Variants in U2AF1 observed in about 807,000 individuals in gnomAD.
U2AF1 encodes splicing factor U2AF 35 kDa subunit.
For missense variants in U2AF1, 4 were observed against 75.9 expected (o/e 0.05, Z 3.52); for synonymous variants, 8 against 27.2 (o/e 0.29, Z 2.20).
intron 5 of U2AF1, 140 bp downstream of exon 5, chr21:43,095,298 G>A (rs749366931): frequency 4.3e-6 from 2 of 461,474 alleles, no homozygotes; most frequent in East Asian, 5.6e-5. Flanking sequence ...GGATCTCAAG[G>A]TGCATGGCGA....
Position 43,095,316 on chromosome 21 carries a change from C to G in U2AF1, c.348+122G>C, listed in dbSNP as rs185040252. ...TCTCAAGGTGCATGGCGACAGGCAC[C>G]CCATCCTCTGTCGGCCTTGGCCCCG... On this transcript the variant is annotated intron_variant, in intron 5 of 7. Transcript: ENST00000291552. 4.4e-3 allele frequency: 2,083 copies of G among 468,936 alleles called. 646 individuals carry two copies. The highest frequency in any genetic ancestry group is 7.1e-3 in the Middle Eastern group (12 of 1,690). The allele number at this position is 468,936 out of a possible 1,614,324, so 29.0% of individuals were successfully genotyped here.
In U2AF1 at chr21:43,095,352, C is replaced by T. The variant is rs773823647; in HGVS notation, c.348+86G>A. The T allele has an allele frequency of 7.3e-5, 41 of 560,892 alleles. 8 individuals carry two copies. Among genetic ancestry groups the T allele is most frequent in the African/African-American group, 3.1e-4 (11 of 35,710 alleles). 34.7% of individuals were successfully genotyped at this position (560,892 alleles called of 1,614,324 possible). ...TCGGCCTTGGCCCCGGCACACTAAG[C>T]GGCTGCACCACTGTCTCGCTTTCGC... On this transcript the variant is annotated intron_variant, in intron 5 of 7. Coordinates refer to ENST00000291552, the MANE Select transcript of U2AF1 (RefSeq NM_006758.3).
chr21:43,097,055 G>A (rs1984352210), intron 3 of U2AF1, among the ~76,000 whole-genome samples: 1 of 60,084 alleles, frequency 1.7e-5, no homozygotes, highest in South Asian at 4.9e-4. Context: ...GTAAAATCAT[G>A]TCTGTTGCGT....
chr21:43,094,857 G>C lies in U2AF1; in HGVS notation c.349-69C>G. The C allele has an allele frequency of 2.9e-5, 30 of 1,045,726 alleles. 8 individuals carry two copies. The highest frequency in any genetic ancestry group is 3.5e-5 in the Non-Finnish European group (26 of 746,874). The allele number at this position is 1,045,726 out of a possible 1,614,324, so 64.8% of individuals were successfully genotyped here. A position where few individuals can be genotyped will look rare whatever the true frequency, so the allele number is the denominator to read the frequency against. On this transcript the variant is annotated intron_variant, in intron 5 of 7. Transcript: ENST00000291552. ...AAGACTTTCTCAATTACCAATCCAA[G>C]TATATCAGAGAGAGATATACACACT...
At chr21:43,105,705 TATA>T (rs1205826115) in intron 1 of U2AF1, 1 of 7,500 alleles carries the variant, frequency 1.3e-4, no homozygotes, top group Non-Finnish European at 2.7e-4. Flanking sequence ...ACTTCAAACA[TATA>T]ATAAGCTAAA....
At chr21:43,097,613 CTTTTTA>C (rs1469652079) in intron 3 of U2AF1, 1 of 81,492 alleles carries the variant, frequency 1.2e-5, no homozygotes, top group Non-Finnish European at 2.4e-5. Context: ...GCTCAAAACT[CTTTTTA>C]TCTTTTTTTT....
At position 43,095,370 on chromosome 21, in the gene U2AF1, G is replaced by A. The variant is rs1238499474; in HGVS notation, c.348+68C>T. 6 of 712,728 alleles carry A rather than the reference G, an allele frequency of 8.4e-6. 1 individual carries two copies. Among genetic ancestry groups the A allele is most frequent in the East Asian group, 7.2e-5 (3 of 41,926 alleles). 44.2% of individuals were successfully genotyped at this position (712,728 alleles called of 1,614,324 possible). On this transcript the variant is annotated intron_variant, in intron 5 of 7. Coordinates refer to ENST00000291552, the MANE Select transcript of U2AF1 (RefSeq NM_006758.3). ...CACTAAGCGGCTGCACCACTGTCTC[G>A]CTTTCGCCTGTTGGCCTTGGCCCTG...
chr21:43,100,054 G>A (rs1984514318), intron 3 of U2AF1: 1 of 12,714 alleles, frequency 7.9e-5, no homozygotes, highest in Non-Finnish European at 1.3e-4. Context: ...CTCCCTAGAA[G>A]CTGGGATTGC....
At chr21:43,097,553 T>C (rs1338613267) in intron 3 of U2AF1, 2 of 71,530 alleles carry the variant, frequency 2.8e-5, no homozygotes, top group Non-Finnish European at 5.6e-5. Flanking sequence ...TGCCTTAGCC[T>C]GTGCACCCAA....
In U2AF1 at chr21:43,094,667, T is replaced by C. The variant is rs371246226; in HGVS notation, c.470A>G (p.Gln157Arg). ...ACTCCTCACTCACCCCATCTCATAC[T>C]GACGGCAGCAGGCTTCTCTGAAGTC... ...VTDFREACCRQYEMGECTRGG... is the reference protein window; with the variant it reads ...VTDFREACCRRYEMGECTRGG... The change falls in exon 6 of 8, where the codon CAG becomes CGG. Residue 157 changes from glutamine to arginine, a missense_variant. Coordinates refer to ENST00000291552, the MANE Select transcript of U2AF1 (RefSeq NM_006758.3). 18 of 506,058 alleles carry C rather than the reference T, an allele frequency of 3.6e-5. No individual in the cohort carries two copies. The highest frequency in any genetic ancestry group is 4.4e-5 in the African/African-American group (1 of 22,632). 31.3% of individuals were successfully genotyped at this position (506,058 alleles called of 1,614,324 possible). A position where few individuals can be genotyped will look rare whatever the true frequency, so the allele number is the denominator to read the frequency against.
In U2AF1 at chr21:43,107,156, C is replaced by A. The variant is rs2146472694; in HGVS notation, c.44+295G>T. 2.6e-5 allele frequency among the ~76,000 whole-genome samples: 3 copies of A among 113,246 alleles called. 1 individual carries two copies. The South Asian group carries it at 7.4e-4, about 28-fold the overall frequency. The allele number at this position is 113,246 out of a possible 152,430, so 74.3% of individuals were successfully genotyped here. A position where few individuals can be genotyped will look rare whatever the true frequency, so the allele number is the denominator to read the frequency against. ...TCCGGGAGTCGGCGACTCGGAGGCCCGGACGTCGGGCGATCAGCCAGTCCG... is the reference window on the plus strand; with the variant it reads ...TCCGGGAGTCGGCGACTCGGAGGCCAGGACGTCGGGCGATCAGCCAGTCCG... On this transcript the variant is annotated intron_variant, in intron 1 of 7. Coordinates refer to ENST00000291552, the MANE Select transcript of U2AF1 (RefSeq NM_006758.3).
rs1209675730 is a variant in U2AF1 at position 43,097,853 on chromosome 21, ACTT to A, written c.200-2113_200-2111del. ...TTTTTATCTTTGAAGATAAAAAATA[ACTT>A]CTTATTTTCTAATTCTGAGAATGAT... On this transcript the variant is annotated intron_variant, in intron 3 of 7. Transcript: ENST00000291552. 3.6e-5 allele frequency: 4 copies of A among 111,494 alleles called. 1 individual carries two copies. The highest frequency in any genetic ancestry group is 7.6e-5 in the African/African-American group (2 of 26,460). The allele number at this position is 111,494 out of a possible 1,614,324, so 6.9% of individuals were successfully genotyped here.
In U2AF1 at chr21:43,107,177, G is replaced by A. The variant is rs1984832599; in HGVS notation, c.44+274C>T. On this transcript the variant is annotated intron_variant, in intron 1 of 7. Transcript: ENST00000291552. ...GGCCCGGACGTCGGGCGATCAGCCA[G>A]TCCGGACCCCAAGGCCGGAGAAAGC... 1.8e-5 allele frequency among the ~76,000 whole-genome samples: 2 copies of A among 113,896 alleles called. 1 individual carries two copies. Among genetic ancestry groups the A allele is most frequent in the Admixed American group, 1.8e-4 (2 of 10,972 alleles). 74.7% of individuals were successfully genotyped at this position (113,896 alleles called of 152,430 possible). A position where few individuals can be genotyped will look rare whatever the true frequency, so the allele number is the denominator to read the frequency against.
At chr21:43,107,426 C>T (rs372182932) in intron 1 of U2AF1, 25 bp downstream of exon 1, 1 of 514,850 alleles carries the variant, frequency 1.9e-6, no homozygotes, top group Non-Finnish European at 3.0e-6. Context: ...TCGCGCCCAA[C>T]CCCCGGCGGG....
At chr21:43,107,179 C>T (rs4920044) in intron 1 of U2AF1, among the ~76,000 whole-genome samples, 4 of 113,738 alleles carry the variant, frequency 3.5e-5, no homozygotes, top group Non-Finnish European at 7.6e-5. Flanking sequence ...ATCAGCCAGT[C>T]CGGACCCCAA....
rs371014202 is a variant in U2AF1, at chr21:43,095,395, G to A, written c.348+43C>T. On this transcript the variant is annotated intron_variant, in intron 5 of 7. Coordinates refer to ENST00000291552, the MANE Select transcript of U2AF1 (RefSeq NM_006758.3). ...GCTTTCGCCTGTTGGCCTTGGCCCT[G>A]GCACACTAAGCGGCCACGCCGCCGT... The A allele has an allele frequency of 2.7e-5, 25 of 932,196 alleles. 5 individuals are homozygous for A. Among genetic ancestry groups the A allele is most frequent in the Non-Finnish European group, 4.0e-5 (25 of 625,874 alleles). The allele number at this position is 932,196 out of a possible 1,614,324, so 57.7% of individuals were successfully genotyped here.
Position 43,098,604 on chromosome 21 carries a change from CAAAT to C in U2AF1, c.199+1845_199+1848del, listed in dbSNP as rs556653770. On this transcript the variant is annotated intron_variant, in intron 3 of 7. Coordinates refer to ENST00000291552, the MANE Select transcript of U2AF1 (RefSeq NM_006758.3). ...TGCAAAACAAAAGTGCTGTGAACTG[CAAAT>C]AAAGACACAATGAAAACTAATACAA... The C allele has an allele frequency of 1.3e-4, 14 of 106,446 alleles. 6 individuals carry two copies. Among genetic ancestry groups the C allele is most frequent in the Non-Finnish European group, 2.4e-4 (12 of 50,644 alleles). 6.6% of individuals were successfully genotyped at this position (106,446 alleles called of 1,614,324 possible).
intron 1 of U2AF1, among the ~76,000 whole-genome samples, chr21:43,107,063 G>T (rs1370634406): frequency 1.1e-5 from 1 of 93,572 alleles, no homozygotes; most frequent in African/African-American, 4.8e-5. Flanking sequence ...CCGAAAGTTG[G>T]AACAAACGTG....
rs1984826960 is a variant in U2AF1 at position 43,107,115 on chromosome 21, G to A, written c.44+336C>T. Among the ~76,000 whole-genome samples, 2 of 110,230 alleles carry A rather than the reference G, an allele frequency of 1.8e-5. 1 individual carries two copies. The highest frequency in any genetic ancestry group is 3.9e-5 in the Non-Finnish European group (2 of 51,346). 72.3% of individuals were successfully genotyped at this position (110,230 alleles called of 152,430 possible). On this transcript the variant is annotated intron_variant, in intron 1 of 7. Coordinates refer to ENST00000291552, the MANE Select transcript of U2AF1 (RefSeq NM_006758.3). ...CCGGATGCTCCAGGCAACTTTCAGC[G>A]CGGCTCGAGGCGGCTTCCGGGAGTC...
Sources: allele counts gnomAD v4.1 joint callset (sites outside exome capture counted in the v4.1 genomes callset), GRCh38; gene constraint gnomAD v4.1.1; transcripts MANE v1.5; gene names NCBI Gene and HGNC (gene_info 2026-07-23, HGNC 2026-07-21).